Variants in SPZ1 observed in about 807,000 individuals in gnomAD.
SPZ1 encodes spermatogenic leucine zipper protein 1.
For missense variants in SPZ1, 408 were observed against 486.2 expected, an observed-to-expected ratio of 0.84 and a Z score of 1.51; for synonymous variants, 160 against 167.6, an observed-to-expected ratio of 0.95 and a Z score of 0.35.
In SPZ1 at chr5:80,320,081, C is replaced by G; in HGVS notation, c.-135C>G. Reference sequence around the variant, plus strand: ...GAGATGCCACCTTCCACCTAAACATCATCTCCCAAATTTTAATCCTTAACT... The same window carrying G: ...GAGATGCCACCTTCCACCTAAACATGATCTCCCAAATTTTAATCCTTAACT... On this transcript the variant is annotated 5_prime_UTR_variant, in exon 1 of 1. It adds an upstream start codon to the 5' untranslated region. Transcript: ENST00000296739. 1 of 709,374 alleles carries G rather than the reference C, an allele frequency of 1.4e-6. No homozygotes were observed. Among genetic ancestry groups the G allele is most frequent in the South Asian group, 2.1e-5 (1 of 47,442 alleles). 43.9% of individuals were successfully genotyped at this position (709,374 alleles called of 1,614,324 possible).
Position 80,320,809 on chromosome 5 carries a change from C to G in SPZ1, c.594C>G (p.Asn198Lys). 6.2e-7 allele frequency: 1 copy of G among 1,614,108 alleles called. No individual in the cohort carries two copies. The highest frequency in any genetic ancestry group is 1.1e-5 in the South Asian group (1 of 91,072). The change falls in exon 1 of 1, where the codon AAC becomes AAG. Residue 198 changes from asparagine to lysine, a missense_variant. Coordinates refer to ENST00000296739, the MANE Select transcript of SPZ1 (RefSeq NM_032567.4). ...KKQQMIMENQ[N>K]SENTAQVFAR... ...AGCAGATGATAATGGAAAACCAGAA[C>G]TCTGAGAACACCGCACAAGTTTTTG...
chr5:80,320,074 T>TA lies in SPZ1; in HGVS notation c.-139dup, dbSNP rs1451466961. The stretch of plus-strand genomic sequence containing the variant: ...GCTGTCTGAGATGCCACCTTCCACC[T>TA]AAACATCATCTCCCAAATTTTAATC... On this transcript the variant is annotated 5_prime_UTR_variant, in exon 1 of 1. Coordinates refer to ENST00000296739, the MANE Select transcript of SPZ1 (RefSeq NM_032567.4). 1.5e-6 allele frequency: 1 copy of TA among 683,386 alleles called. No homozygotes were observed. Among genetic ancestry groups the TA allele is most frequent in the African/African-American group, 1.8e-5 (1 of 55,440 alleles). The allele number at this position is 683,386 out of a possible 1,614,324, so 42.3% of individuals were successfully genotyped here. A position where few individuals can be genotyped will look rare whatever the true frequency, so the allele number is the denominator to read the frequency against.
In SPZ1 at chr5:80,320,263, C is replaced by T. The variant is rs1554076158; in HGVS notation, c.48C>T (p.Thr16=). The T allele has an allele frequency of 3.7e-6, 6 of 1,613,570 alleles. No homozygotes were observed. Among genetic ancestry groups the T allele is most frequent in the South Asian group, 2.2e-5 (2 of 91,014 alleles). ...KSAEMPTISK[T]VNPTPDPHQE... ...CTGAGATGCCCACCATCTCCAAAAC[C>T]GTTAACCCTACTCCTGATCCTCATC... The change falls in exon 1 of 1, where the codon ACC becomes ACT. Residue 16 remains threonine, a synonymous_variant. Transcript: ENST00000296739.
rs140437369 is a variant in SPZ1 at position 80,320,892 on chromosome 5, G to T, written c.677G>T (p.Ser226Ile). Reference sequence around the variant, plus strand: ...AAAGTCCTTAACGAAACTCAACAAAGTCAGGAAAAAGCAAAAAACAGACTT... The same window carrying T: ...AAAGTCCTTAACGAAACTCAACAAATTCAGGAAAAAGCAAAAAACAGACTT... ...EKKVLNETQQ[S>I]QEKAKNRLNV... is the part of the protein sequence containing the mutation. Residue 226 changes from serine to isoleucine, a missense_variant, in exon 1 of 1, where the codon AGT (serine) becomes ATT (isoleucine). By Grantham distance (142) the Ser-to-Ile change is moderately radical. Coordinates refer to ENST00000296739, the MANE Select transcript of SPZ1 (RefSeq NM_032567.4). 7.9e-5 allele frequency: 127 copies of T among 1,609,892 alleles called. No homozygotes were observed. The African/African-American group carries it at 1.4e-3, about 18-fold the overall frequency.
rs1370380036 is a variant in SPZ1 at position 80,320,007 on chromosome 5, G to A, written c.-209G>A. The A allele has an allele frequency of 1.9e-6, 1 of 520,372 alleles. No individual in the cohort carries two copies. The highest frequency in any genetic ancestry group is 3.3e-6 in the Non-Finnish European group (1 of 298,822). The allele number at this position is 520,372 out of a possible 1,614,324, so 32.2% of individuals were successfully genotyped here. ...GGGTGCCTAGAGGAGAAGAGATGGA[G>A]CCCCAGCCTTGGTCCCCTTTCCCAC... On this transcript the variant is annotated 5_prime_UTR_variant, in exon 1 of 1. Transcript: ENST00000296739.
In SPZ1 at chr5:80,320,622, A is replaced by T; in HGVS notation, c.407A>T (p.Glu136Val). The T allele has an allele frequency of 6.2e-7, 1 of 1,613,950 alleles. No homozygotes were observed. Among genetic ancestry groups the T allele is most frequent in the Non-Finnish European group, 8.5e-7 (1 of 1,180,020 alleles). The change falls in exon 1 of 1, where the codon GAA becomes GTA. Residue 136 changes from glutamate to valine, a missense_variant. Coordinates refer to ENST00000296739, the MANE Select transcript of SPZ1 (RefSeq NM_032567.4). ...CCTGTTAGTTTAGCCCCAGAGAAAGAAGACAATGAAAAGAAACAGGAGATG... is the reference window on the plus strand; with the variant it reads ...CCTGTTAGTTTAGCCCCAGAGAAAGTAGACAATGAAAAGAAACAGGAGATG... Reference protein sequence around the residue: ...NLPVSLAPEKEDNEKKQEMIL... With the variant: ...NLPVSLAPEKVDNEKKQEMIL...
In SPZ1 at chr5:80,321,255, G is replaced by T. The variant is rs151102391; in HGVS notation, c.1040G>T (p.Gly347Val). The T allele has an allele frequency of 1.6e-4, 263 of 1,613,440 alleles. 1 individual carries two copies. In the East Asian group the frequency reaches 5.8e-3, roughly 36 times the overall value. ...ILKELHHQKQ[G>V]TLQEKPIQIN... ...AAGGAACTCCATCATCAGAAACAGG[G>T]AACTCTGCAAGAGAAGCCAATTCAG... Residue 347 changes from glycine (G) to valine (V), a missense_variant, in exon 1 of 1, where the codon GGA (glycine) becomes GTA (valine). Gly to Val is a moderately radical substitution (Grantham distance 109). Coordinates refer to ENST00000296739, the MANE Select transcript of SPZ1 (RefSeq NM_032567.4).
In SPZ1 at chr5:80,320,163, C is replaced by A; in HGVS notation, c.-53C>A. On this transcript the variant is annotated 5_prime_UTR_variant, in exon 1 of 1. Transcript: ENST00000296739. ...CTCCACCCACATTTGCACAAAGGACCATCACCTGTCCTTCCTGGAATCTCT... is the reference window on the plus strand; with the variant it reads ...CTCCACCCACATTTGCACAAAGGACAATCACCTGTCCTTCCTGGAATCTCT... 7.2e-7 allele frequency: 1 copy of A among 1,387,870 alleles called. No individual in the cohort carries two copies. The highest frequency in any genetic ancestry group is 9.9e-7 in the Non-Finnish European group (1 of 1,010,458). The allele number at this position is 1,387,870 out of a possible 1,614,324, so 86.0% of individuals were successfully genotyped here. A position where few individuals can be genotyped will look rare whatever the true frequency, so the allele number is the denominator to read the frequency against.
Position 80,320,827 on chromosome 5 carries a change from A to ATCT in SPZ1, c.612_613insTCT (p.Gln204_Val205insSer), listed in dbSNP as rs1743538974. On this transcript the variant is annotated inframe_insertion, in exon 1 of 1. Transcript: ENST00000296739. The stretch of plus-strand genomic sequence containing the variant: ...ACCAGAACTCTGAGAACACCGCACA[A>ATCT]GTTTTTGCAAGAGATTTGGTAAATC... The ATCT allele has an allele frequency of 1.9e-6, 3 of 1,614,208 alleles. No individual in the cohort carries two copies. Among genetic ancestry groups the ATCT allele is most frequent in the Non-Finnish European group, 2.5e-6 (3 of 1,180,040 alleles).
rs775103479 is a variant in SPZ1 at position 80,320,696 on chromosome 5, A to T, written c.481A>T (p.Ile161Phe). 5.0e-6 allele frequency: 8 copies of T among 1,602,300 alleles called. No individual in the cohort carries two copies. Among genetic ancestry groups the T allele is most frequent in the Non-Finnish European group, 6.8e-6 (8 of 1,169,830 alleles). The stretch of plus-strand genomic sequence containing the variant: ...GGATGTGTCAGCCCACAAAGAAAAT[A>T]TCAGAGGACTTGACAAAATCAATGA... ...TEDVSAHKEN[I>F]RGLDKINEML... Residue 161 changes from isoleucine (I) to phenylalanine (F), a missense_variant, in exon 1 of 1, where the codon ATC becomes TTC. By Grantham distance (21) the Ile-to-Phe change is conservative (BLOSUM62 0). Coordinates refer to ENST00000296739, the MANE Select transcript of SPZ1 (RefSeq NM_032567.4).
Position 80,321,347 on chromosome 5 carries a change from C to G in SPZ1, c.1132C>G (p.Gln378Glu). 2 of 1,613,214 alleles carry G rather than the reference C, an allele frequency of 1.2e-6. No individual in the cohort carries two copies. The highest frequency in any genetic ancestry group is 1.7e-4 in the Middle Eastern group (1 of 6,056). ...SEAKKVEMYK[Q>E]NKQAMKGTFW... ...AGCAAAGAAAGTAGAAATGTATAAG[C>G]AGAACAAGCAAGCAATGAAGGGTAC... The change falls in exon 1 of 1, where the codon CAG becomes GAG. Residue 378 changes from glutamine (Q) to glutamate (E), a missense_variant. Transcript: ENST00000296739.
rs577767912 is a variant in SPZ1 at position 80,320,718 on chromosome 5, A to G, written c.503A>G (p.Asn168Ser). 2.2e-5 allele frequency: 28 copies of G among 1,259,256 alleles called. No homozygotes were observed. The highest frequency in any genetic ancestry group is 7.3e-5 in the African/African-American group (5 of 68,158). 78.0% of individuals were successfully genotyped at this position (1,259,256 alleles called of 1,614,324 possible). ...AATATCAGAGGACTTGACAAAATCA[A>G]TGAAATGTTATCAACAAACCTGCCT... Reference protein sequence around the residue: ...KENIRGLDKINEMLSTNLPVS... With the variant: ...KENIRGLDKISEMLSTNLPVS... Residue 168 changes from asparagine to serine, a missense_variant, in exon 1 of 1, where the codon AAT becomes AGT. Physicochemically the swap from Asn to Ser is conservative, Grantham distance 46. Transcript: ENST00000296739.
rs1323450723 is a variant in SPZ1, at chr5:80,320,140, C to G, written c.-76C>G. The G allele has an allele frequency of 1.1e-5, 13 of 1,163,850 alleles. No homozygotes were observed. The highest frequency in any genetic ancestry group is 1.6e-5 in the Non-Finnish European group (13 of 819,642). The allele number at this position is 1,163,850 out of a possible 1,614,324, so 72.1% of individuals were successfully genotyped here. A position where few individuals can be genotyped will look rare whatever the true frequency, so the allele number is the denominator to read the frequency against. Reference sequence around the variant, plus strand: ...TGACTTCTGCTTGATTCCACAGTCTCCACCCACATTTGCACAAAGGACCAT... The same window carrying G: ...TGACTTCTGCTTGATTCCACAGTCTGCACCCACATTTGCACAAAGGACCAT... On this transcript the variant is annotated 5_prime_UTR_variant, in exon 1 of 1. Transcript: ENST00000296739.
Position 80,320,091 on chromosome 5 carries a change from A to C in SPZ1, c.-125A>C. On this transcript the variant is annotated 5_prime_UTR_variant, in exon 1 of 1. Coordinates refer to ENST00000296739, the MANE Select transcript of SPZ1 (RefSeq NM_032567.4). Reference sequence around the variant, plus strand: ...CTTCCACCTAAACATCATCTCCCAAATTTTAATCCTTAACTTTGGTCTCTG... The same window carrying C: ...CTTCCACCTAAACATCATCTCCCAACTTTTAATCCTTAACTTTGGTCTCTG... 1.3e-6 allele frequency: 1 copy of C among 772,644 alleles called. No homozygotes were observed. The allele number at this position is 772,644 out of a possible 1,614,324, so 47.9% of individuals were successfully genotyped here.
rs1007966600 is a variant in SPZ1 at position 80,321,572 on chromosome 5, T to A, written c.*64T>A. ...AACTACATCTGTTACCTCCAACTTG[T>A]CAGTCATGATCAATCATCAAACCTT... On this transcript the variant is annotated 3_prime_UTR_variant, in exon 1 of 1. Transcript: ENST00000296739. 7.8e-7 allele frequency: 1 copy of A among 1,281,576 alleles called. No individual in the cohort carries two copies. The highest frequency in any genetic ancestry group is 2.4e-5 in the East Asian group (1 of 42,360). The allele number at this position is 1,281,576 out of a possible 1,614,324, so 79.4% of individuals were successfully genotyped here.
rs6867419 is a variant in SPZ1, at chr5:80,321,119, G to A, written c.904G>A (p.Glu302Lys). Residue 302 changes from glutamate to lysine, a missense_variant, in exon 1 of 1, where the codon GAG becomes AAG. Physicochemically the swap from Glu to Lys is moderately conservative, Grantham distance 56. Coordinates refer to ENST00000296739, the MANE Select transcript of SPZ1 (RefSeq NM_032567.4). ...AAATAATGAAGTGTCGGCTAAGCATGAGCTGGAGGAACAGGTGAAGAAACT... is the reference window on the plus strand; with the variant it reads ...AAATAATGAAGTGTCGGCTAAGCATAAGCTGGAGGAACAGGTGAAGAAACT... The part of the protein sequence containing the change: ...QPNNEVSAKH[E>K]LEEQVKKLSH... 2.2e-3 allele frequency: 3,473 copies of A among 1,613,704 alleles called. 49 individuals carry two copies. In the African/African-American group the frequency reaches 0.028, roughly 13 times the overall value.
rs369209245 is a variant in SPZ1, at chr5:80,321,109, G to A, written c.894G>A (p.Ser298=). Residue 298 remains serine, a synonymous_variant, in exon 1 of 1, where the codon TCG becomes TCA. Coordinates refer to ENST00000296739, the MANE Select transcript of SPZ1 (RefSeq NM_032567.4). ...AAACCCAGCCAAATAATGAAGTGTC[G>A]GCTAAGCATGAGCTGGAGGAACAGG... ...GFQTQPNNEV[S]AKHELEEQVK... The A allele has an allele frequency of 3.5e-5, 56 of 1,613,430 alleles. No homozygotes were observed. Among genetic ancestry groups the A allele is most frequent in the African/African-American group, 1.9e-4 (14 of 74,850 alleles).
At position 80,321,680 on chromosome 5, in the gene SPZ1, G is replaced by A. The variant is rs1157191100; in HGVS notation, c.*172G>A. 2.0e-6 allele frequency: 1 copy of A among 504,744 alleles called. No individual in the cohort carries two copies. Among genetic ancestry groups the A allele is most frequent in the African/African-American group, 2.0e-5 (1 of 50,172 alleles). The allele number at this position is 504,744 out of a possible 1,614,324, so 31.3% of individuals were successfully genotyped here. ...TATTACTCATTACTTCAGCAGTTATGTAAGTCTGGTCTTTAATGACCATTG... is the reference window on the plus strand; with the variant it reads ...TATTACTCATTACTTCAGCAGTTATATAAGTCTGGTCTTTAATGACCATTG... On this transcript the variant is annotated 3_prime_UTR_variant, in exon 1 of 1. Coordinates refer to ENST00000296739, the MANE Select transcript of SPZ1 (RefSeq NM_032567.4).
In SPZ1 at chr5:80,321,555, C is replaced by T; in HGVS notation, c.*47C>T. ...AAGGTGAATCCTTAAAAAACTACATCTGTTACCTCCAACTTGTCAGTCATG... is the reference window on the plus strand; with the variant it reads ...AAGGTGAATCCTTAAAAAACTACATTTGTTACCTCCAACTTGTCAGTCATG... On this transcript the variant is annotated 3_prime_UTR_variant, in exon 1 of 1. Transcript: ENST00000296739. The T allele has an allele frequency of 7.1e-7, 1 of 1,415,178 alleles. No individual in the cohort carries two copies. Among genetic ancestry groups the T allele is most frequent in the African/African-American group, 1.4e-5 (1 of 69,524 alleles). The allele number at this position is 1,415,178 out of a possible 1,614,324, so 87.7% of individuals were successfully genotyped here.
Sources: gnomAD v4.1 joint callset for allele counts on GRCh38, gnomAD v4.1.1 for gene constraint, MANE v1.5 for transcripts, NCBI Gene and HGNC (gene_info 2026-07-23, HGNC 2026-07-21) for gene names.